Variants in EFNA5 observed in about 807,000 individuals in gnomAD.
EFNA5 encodes the protein ephrin-A5.
A neutral mutation model predicts 22.9 loss-of-function variants in EFNA5; 5 were observed. The observed-to-expected ratio is 0.22, with a 90% confidence interval of 0.11 to 0.46. The LOEUF (loss-of-function observed/expected upper bound fraction) is 0.46. EFNA5 is among the 20% of genes least tolerant of loss of function. The pLI is 0.99. For missense variants in EFNA5, 237 were observed against 293.3 expected (o/e 0.81, Z 1.40); for synonymous variants, 113 against 112.2 (o/e 1.01, Z -0.04).
At chr5:107,542,572 G>C (rs533684190) in intron 1 of EFNA5, among the ~76,000 whole-genome samples, 5 of 152,074 alleles carry the variant, frequency 3.3e-5, no homozygotes, top group African/African-American at 4.8e-5. Flanking sequence ...GTGCGGGGAG[G>C]GGGTAGGTGC....
At chr5:107,474,101 G>T (rs190852299) in intron 1 of EFNA5, among the ~76,000 whole-genome samples, 7 of 152,254 alleles carry the variant, frequency 4.6e-5, no homozygotes, top group Admixed American at 4.6e-4. Context: ...CAATGTTTCA[G>T]AGTCATCTGA....
chr5:107,517,254 C>G (rs1210403897), intron 1 of EFNA5, among the ~76,000 whole-genome samples: 1 of 152,026 alleles, frequency 6.6e-6, no homozygotes, highest in East Asian at 1.9e-4. Context: ...GATGCTATCT[C>G]ACAGTATTCA....
At chr5:107,591,919 T>TATA (rs1561442930) in intron 1 of EFNA5, among the ~76,000 whole-genome samples, 2 of 6,306 alleles carry the variant, frequency 3.2e-4, no homozygotes, top group African/African-American at 4.0e-3. Flanking sequence ...ATAAAAAATA[T>TATA]ATATATAATA....
At position 107,399,313 on chromosome 5, in the gene EFNA5, G is replaced by A. The variant is rs1450386836; in HGVS notation, c.419-11542C>T. On this transcript the variant is annotated intron_variant, in intron 2 of 4. Transcript: ENST00000333274. ...ACTAAAGAAGGAAGGAAGGAAGGAA[G>A]GAAACGGAAAGGAAAGGAAAGGAAA... Among the ~76,000 whole-genome samples, 10 of 68,238 alleles carry A rather than the reference G, an allele frequency of 1.5e-4. No homozygotes were observed. The Admixed American group carries it at 1.5e-3, about 10-fold the overall frequency. The allele number at this position is 68,238 out of a possible 152,430, so 44.8% of individuals were successfully genotyped here.
At chr5:107,394,330 A>G (rs1747863744) in intron 2 of EFNA5, among the ~76,000 whole-genome samples, 1 of 152,212 alleles carries the variant, frequency 6.6e-6, no homozygotes, top group African/African-American at 2.4e-5. Context: ...AAAATTTGGA[A>G]AGGAGGTCAC....
At chr5:107,435,517 C>G (rs1580449963) in intron 1 of EFNA5, among the ~76,000 whole-genome samples, 1 of 151,996 alleles carries the variant, frequency 6.6e-6, no homozygotes, top group African/African-American at 2.4e-5. Flanking sequence ...CCTCAATGTT[C>G]AGCTCTGAGA....
intron 2 of EFNA5, among the ~76,000 whole-genome samples, chr5:107,395,943 G>A (rs1412319671): frequency 6.6e-6 from 1 of 152,170 alleles, no homozygotes; most frequent in Non-Finnish European, 1.5e-5. Flanking sequence ...GGCTCCCTTT[G>A]CCCCTCTGTG....
chr5:107,451,932 T>G (rs985846276), intron 1 of EFNA5, among the ~76,000 whole-genome samples: 1 of 152,218 alleles, frequency 6.6e-6, no homozygotes, highest in Non-Finnish European at 1.5e-5. Context: ...CACGTATGTT[T>G]ATTGTAGTAC....
At chr5:107,479,717 T>C (rs1251443157) in intron 1 of EFNA5, among the ~76,000 whole-genome samples, 1 of 152,082 alleles carries the variant, frequency 6.6e-6, no homozygotes, top group Non-Finnish European at 1.5e-5. Flanking sequence ...TAACCAGGGG[T>C]TGAATGAGTG....
In EFNA5 at chr5:107,463,430, T is replaced by TAGCATTAGAATTAAAGAGCCAAA. The variant is rs1749887557; in HGVS notation, c.126-35944_126-35922dup. On this transcript the variant is annotated intron_variant, in intron 1 of 4. Coordinates refer to ENST00000333274, the MANE Select transcript of EFNA5 (RefSeq NM_001962.3). ...TACATTTATTTTATAATCAGAAAGA[T>TAGCATTAGAATTAAAGAGCCAAA]AGCATTAGAATTAAAGAGCCAAACT... Among the ~76,000 whole-genome samples the TAGCATTAGAATTAAAGAGCCAAA allele has an allele frequency of 3.9e-5, 6 of 152,154 alleles. No homozygotes were observed. In the South Asian group the frequency reaches 1.2e-3, roughly 31 times the overall value.
chr5:107,482,993 G>C (rs955082281), intron 1 of EFNA5, among the ~76,000 whole-genome samples: 1 of 151,820 alleles, frequency 6.6e-6, no homozygotes, highest in African/African-American at 2.4e-5. Context: ...TCACGCACTG[G>C]TGCCAATGTT....
chr5:107,465,086 A>G (rs1364278881), intron 1 of EFNA5, among the ~76,000 whole-genome samples: 1 of 151,386 alleles, frequency 6.6e-6, no homozygotes, highest in Non-Finnish European at 1.5e-5. Context: ...TTTAAGAAAA[A>G]CAATTCAAGG....
chr5:107,539,714 C>T (rs1748005313), intron 1 of EFNA5, among the ~76,000 whole-genome samples: 1 of 152,156 alleles, frequency 6.6e-6, no homozygotes, highest in African/African-American at 2.4e-5. Flanking sequence ...ACCTCAGCCT[C>T]CCAAAGTGCT....
chr5:107,537,636 T>G (rs1747956103), intron 1 of EFNA5, among the ~76,000 whole-genome samples: 1 of 152,158 alleles, frequency 6.6e-6, no homozygotes, highest in South Asian at 2.1e-4. Context: ...ATTCATAATC[T>G]TATTTAATCT....
At chr5:107,602,940 T>A (rs1749634141) in intron 1 of EFNA5, among the ~76,000 whole-genome samples, 1 of 152,172 alleles carries the variant, frequency 6.6e-6, no homozygotes, top group South Asian at 2.1e-4. Context: ...CGTAGCCATC[T>A]GGGAAAAATC....
chr5:107,384,579 G>A (rs576190962), intron 4 of EFNA5, among the ~76,000 whole-genome samples: 6 of 152,070 alleles, frequency 3.9e-5, no homozygotes, highest in Admixed American at 1.3e-4. Context: ...TCAGTGGCTC[G>A]ACACAGTGGT....
intron 1 of EFNA5, among the ~76,000 whole-genome samples, chr5:107,539,493 C>T (rs1439780679): frequency 1.3e-5 from 2 of 152,172 alleles, no homozygotes; most frequent in African/African-American, 2.4e-5. Context: ...AAGTCTTGCT[C>T]TTTTGCCCAG....
chr5:107,663,833 T>A (rs1433578831), intron 1 of EFNA5, among the ~76,000 whole-genome samples: 4 of 152,140 alleles, frequency 2.6e-5, no homozygotes, highest in Non-Finnish European at 5.9e-5. Context: ...TTCAAACGTA[T>A]TTTTATTCCT....
rs1580411351 is a variant in EFNA5, at chr5:107,380,679, A to G, written c.*576T>C. The G allele has an allele frequency of 2.5e-6, 1 of 396,902 alleles. No homozygotes were observed. 24.6% of individuals were successfully genotyped at this position (396,902 alleles called of 1,614,324 possible). On this transcript the variant is annotated 3_prime_UTR_variant, in exon 5 of 5. Coordinates refer to ENST00000333274, the MANE Select transcript of EFNA5 (RefSeq NM_001962.3). ...AAAAAAACCAGTGTCTCAACCTTTT[A>G]GAAGCCTGTTCATTTACATACTCCT...
Sources: gnomAD v4.1 joint callset for allele counts (sites outside exome capture counted in the v4.1 genomes callset) on GRCh38, gnomAD v4.1.1 for gene constraint, MANE v1.5 for transcripts, NCBI Gene and HGNC (gene_info 2026-07-23, HGNC 2026-07-21) for gene names.